FGGY: variants seen among roughly 807,000 people sequenced by gnomAD.
The protein encoded by FGGY is FGGY carbohydrate kinase domain-containing protein.
FGGY carries 72 observed loss-of-function variants against 71.3 expected under a neutral mutation model. The observed-to-expected ratio is 1.01, with a 90% CI of 0.84 to 1.23. The LOEUF (loss-of-function observed/expected upper bound fraction) is 1.23. FGGY is among the 50% of genes most tolerant of loss of function. The pLI is 0.00. For synonymous variants in FGGY, 251 were observed against 250.3 expected (o/e 1.00, Z -0.02); for missense variants, 668 against 682.3 (o/e 0.98, Z 0.23).
At chr1:59,336,734 A>T (rs1191220458) in intron 2 of FGGY, among the ~76,000 whole-genome samples, 2 of 152,118 alleles carry the variant, frequency 1.3e-5, no homozygotes, top group Non-Finnish European at 2.9e-5. Flanking sequence ...ATGAGTGAGA[A>T]CATGCGGTGT....
At chr1:59,474,348 G>A (rs191127769) in intron 6 of FGGY, 2 of 152,336 alleles carry the variant, frequency 1.3e-5, no homozygotes, top group South Asian at 2.1e-4. Context: ...AGCTGAAAGG[G>A]ATCATAGAGA....
intron 2 of FGGY, among the ~76,000 whole-genome samples, chr1:59,323,912 G>A (rs965728767): frequency 2.0e-5 from 3 of 152,152 alleles, no homozygotes; most frequent in African/African-American, 7.2e-5. Flanking sequence ...AAAGTCTACG[G>A]CGGGGGAGGC....
chr1:59,510,765 A>G (rs2094499836), intron 6 of FGGY, among the ~76,000 whole-genome samples: 1 of 152,220 alleles, frequency 6.6e-6, no homozygotes, highest in Non-Finnish European at 1.5e-5. Flanking sequence ...TTTCCAGATG[A>G]AATCTTTGAT....
At chr1:59,578,066 A>G (rs2096116200) in intron 8 of FGGY, among the ~76,000 whole-genome samples, 1 of 152,156 alleles carries the variant, frequency 6.6e-6, no homozygotes, top group South Asian at 2.1e-4. Flanking sequence ...AAAGAGGTGG[A>G]AGAAGTCAGA....
At chr1:59,465,659 C>G (rs1572500260) in intron 6 of FGGY, among the ~76,000 whole-genome samples, 2 of 152,340 alleles carry the variant, frequency 1.3e-5, no homozygotes, top group East Asian at 3.9e-4. Context: ...TCAGCAAAGT[C>G]TCAGGATACA....
intron 14 of FGGY, among the ~76,000 whole-genome samples, chr1:59,749,400 G>T (rs867738346): frequency 2.6e-5 from 4 of 152,108 alleles, no homozygotes; most frequent in African/African-American, 9.7e-5. Flanking sequence ...AAGCTGTGGG[G>T]TCTGACACTA....
intron 7 of FGGY, among the ~76,000 whole-genome samples, chr1:59,533,762 C>T (rs1401253551): frequency 1.3e-5 from 2 of 152,126 alleles, no homozygotes; most frequent in Non-Finnish European, 2.9e-5. Context: ...AGACCTGCAG[C>T]TGAGGGTCCT....
At chr1:59,693,959 G>C (rs1558819864) in intron 14 of FGGY, among the ~76,000 whole-genome samples, 1 of 151,146 alleles carries the variant, frequency 6.6e-6, no homozygotes, top group African/African-American at 2.4e-5. Context: ...GTGAGCCAAT[G>C]TTACGCCACT....
At chr1:59,679,042 G>A (rs1470720854) in intron 14 of FGGY, among the ~76,000 whole-genome samples, 1 of 152,172 alleles carries the variant, frequency 6.6e-6, no homozygotes, top group South Asian at 2.1e-4. Context: ...CATGTAAGTG[G>A]CCAGTTGAGA....
intron 14 of FGGY, among the ~76,000 whole-genome samples, chr1:59,725,629 TG>T (rs1210331759): frequency 5.3e-5 from 8 of 151,156 alleles, no homozygotes; most frequent in Non-Finnish European, 8.9e-5. Context: ...TTTTGTTTTT[TG>T]TTTTTTGTTT....
intron 6 of FGGY, among the ~76,000 whole-genome samples, chr1:59,465,834 C>G (rs1285364485): frequency 1.3e-5 from 2 of 152,090 alleles, no homozygotes; most frequent in East Asian, 3.9e-4. Flanking sequence ...AACTACAAAC[C>G]ACTGCTCAAT....
At chr1:59,653,409 T>C (rs6684269) in intron 11 of FGGY, among the ~76,000 whole-genome samples, 11,572 of 151,714 alleles carry the variant, frequency 0.076, 1,225 homozygotes, top group African/African-American at 0.24. Flanking sequence ...AGCGAGATTC[T>C]GTGGGCGTAG....
chr1:59,485,972 C>T (rs956605912), intron 6 of FGGY, among the ~76,000 whole-genome samples: 2 of 152,162 alleles, frequency 1.3e-5, no homozygotes, highest in Non-Finnish European at 2.9e-5. Context: ...TAAAACTGGA[C>T]CTAAACTCCA....
At chr1:59,424,271 G>A (rs762722913) in intron 5 of FGGY, among the ~76,000 whole-genome samples, 8 of 152,212 alleles carry the variant, frequency 5.3e-5, no homozygotes, top group East Asian at 3.9e-4. Flanking sequence ...GAATGAGGCC[G>A]GGCACTGTGG....
chr1:59,405,214 A>G lies in FGGY; in HGVS notation c.554+26377A>G, dbSNP rs548987559. ...GGCATGAGCAAGAGGAGCAGATGGG[A>G]TAGTAAAAGCAGCTTAGTGAGGGAG... On this transcript the variant is annotated intron_variant, in intron 5 of 15. Transcript: ENST00000303721. 1.4e-4 allele frequency among the ~76,000 whole-genome samples: 22 copies of G among 152,336 alleles called. No homozygotes were observed. The South Asian group carries it at 4.3e-3, about 30-fold the overall frequency.
rs181692007 is a variant in FGGY, at chr1:59,408,818, A to G, written c.554+29981A>G. ...AGGCTTATGCATGGGCTTTCAAGCT[A>G]TTTGTCCAGAGGCCCAACCACTTTG... On this transcript the variant is annotated intron_variant, in intron 5 of 15. Coordinates refer to ENST00000303721, the MANE Select transcript of FGGY (RefSeq NM_018291.5). Among the ~76,000 whole-genome samples the G allele has an allele frequency of 3.5e-3, 527 of 152,158 alleles. 3 individuals are homozygous for G. Among genetic ancestry groups the G allele is most frequent in the African/African-American group, 0.011 (468 of 41,508 alleles).
intron 14 of FGGY, among the ~76,000 whole-genome samples, chr1:59,723,924 AG>A (rs1353613240): frequency 1.3e-5 from 2 of 152,230 alleles, no homozygotes; most frequent in Non-Finnish European, 2.9e-5. Context: ...GCACTTTGGG[AG>A]GCCTAGGCAG....
At chr1:59,592,865 G>C (rs138024315) in intron 8 of FGGY, among the ~76,000 whole-genome samples, 47 of 152,060 alleles carry the variant, frequency 3.1e-4, no homozygotes, top group African/African-American at 1.1e-3. Context: ...TAGCACACCA[G>C]CATGGCACAT....
intron 7 of FGGY, among the ~76,000 whole-genome samples, chr1:59,540,863 C>T (rs2095428998): frequency 6.6e-6 from 1 of 152,114 alleles, no homozygotes; most frequent in South Asian, 2.1e-4. Context: ...TATGTCAGCA[C>T]ACAAAGGAGC....
Sources: gnomAD v4.1 joint callset for allele counts (sites outside exome capture counted in the v4.1 genomes callset) on GRCh38, gnomAD v4.1.1 for gene constraint, MANE v1.5 for transcripts, NCBI Gene and HGNC (gene_info 2026-07-23, HGNC 2026-07-21) for gene names.